Variants in CENPK observed in about 807,000 individuals in gnomAD.
CENPK encodes centromere protein K, also known as SoxLZ/Sox6-binding protein Solt.
Under a neutral mutation model 40.9 loss-of-function variants are expected in CENPK, and 46 were observed. The ratio of observed to expected loss-of-function variants is 1.13; its 90% CI spans 0.89 to 1.44. CENPK has a LOEUF of 1.44. CENPK is among the 40% of genes most tolerant of loss of function. CENPK has a pLI of 0.00. For missense variants in CENPK, 288 were observed against 303.5 expected, an observed-to-expected ratio of 0.95 and a Z score of 0.38; for synonymous variants, 107 against 104.4, an observed-to-expected ratio of 1.02 and a Z score of -0.15.
intron 6 of CENPK, among the ~76,000 whole-genome samples, chr5:65,539,005 G>A (rs1747468292): frequency 6.6e-6 from 1 of 152,158 alleles, no homozygotes; most frequent in Non-Finnish European, 1.5e-5. Flanking sequence ...CATGATTTCT[G>A]TCTCTAGGCA....
At chr5:65,538,250 G>C (rs937714274) in intron 6 of CENPK, among the ~76,000 whole-genome samples, 1 of 152,000 alleles carries the variant, frequency 6.6e-6, no homozygotes, top group African/African-American at 2.4e-5. Flanking sequence ...TCTTTGTTCA[G>C]TTGTTTTGAA....
intron 3 of CENPK, among the ~76,000 whole-genome samples, chr5:65,553,886 C>T (rs1281665979): frequency 6.6e-6 from 1 of 152,206 alleles, no homozygotes; most frequent in African/African-American, 2.4e-5. Context: ...CATATCTGAT[C>T]ATGTCACTTC....
chr5:65,546,794 CCAA>C (rs1749065625), intron 5 of CENPK, among the ~76,000 whole-genome samples: 1 of 152,140 alleles, frequency 6.6e-6, no homozygotes, highest in South Asian at 2.1e-4. Context: ...TCAGAAGAAA[CCAA>C]CGTTATTGAC....
intron 9 of CENPK, among the ~76,000 whole-genome samples, chr5:65,527,553 A>G (rs1229777019): frequency 1.0e-5 from 1 of 99,616 alleles, no homozygotes; most frequent in Non-Finnish European, 2.0e-5. Context: ...ATATATATAT[A>G]TGAACTGTTC....
chr5:65,556,029 T>C (rs971301372), intron 2 of CENPK, among the ~76,000 whole-genome samples: 8 of 152,232 alleles, frequency 5.3e-5, no homozygotes, highest in Non-Finnish European at 1.2e-4. Flanking sequence ...ATAACAGTGG[T>C]TCCAATGGAG....
At chr5:65,526,648 T>C (rs1744758440) in intron 9 of CENPK, among the ~76,000 whole-genome samples, 1 of 152,110 alleles carries the variant, frequency 6.6e-6, no homozygotes, top group Non-Finnish European at 1.5e-5. Context: ...AACAAAATCA[T>C]TTGAAAAGTG....
At chr5:65,521,090 T>G (rs551659426) in intron 10 of CENPK, among the ~76,000 whole-genome samples, 1 of 152,064 alleles carries the variant, frequency 6.6e-6, no homozygotes, top group Non-Finnish European at 1.5e-5. Context: ...GTATTTTATA[T>G]AGAGTACAGA....
In CENPK at chr5:65,544,144, G is replaced by A. The variant is rs555439650; in HGVS notation, c.242-1296C>T. ...ATAGGTTTGTATTAGAATATTCAGT[G>A]CCTTGGAAGGGTTTGCTCTCTGCTT... On this transcript the variant is annotated intron_variant, in intron 5 of 10. Coordinates refer to ENST00000396679, the MANE Select transcript of CENPK (RefSeq NM_022145.5). Among the ~76,000 whole-genome samples the A allele has an allele frequency of 1.5e-3, 236 of 152,270 alleles. 4 individuals carry two copies. Among genetic ancestry groups the A allele is most frequent in the Middle Eastern group, 3.4e-3 (1 of 294 alleles).
At position 65,538,525 on chromosome 5, in the gene CENPK, A is replaced by G. The variant is rs868295053; in HGVS notation, c.288+4277T>C. Among the ~76,000 whole-genome samples, 46 of 152,220 alleles carry G rather than the reference A, an allele frequency of 3.0e-4. No individual in the cohort carries two copies. In the Middle Eastern group the frequency reaches 0.02, roughly 68 times the overall value. On this transcript the variant is annotated intron_variant, in intron 6 of 10. Transcript: ENST00000396679. ...TCATTTTTCTCTTCTCACTTTTACT[A>G]TACATTCAAGAGAAGCCAAGCCATA...
chr5:65,526,060 T>A (rs1463465089), intron 9 of CENPK, among the ~76,000 whole-genome samples: 1 of 152,140 alleles, frequency 6.6e-6, no homozygotes, highest in African/African-American at 2.4e-5. Context: ...GTAACATGTA[T>A]CAATAGTCCT....
At chr5:65,521,716 T>C (rs1704140531) in intron 9 of CENPK, among the ~76,000 whole-genome samples, 188 bp from the exon 10 acceptor site, 1 of 152,166 alleles carries the variant, frequency 6.6e-6, no homozygotes, top group African/African-American at 2.4e-5. Context: ...TTCTCTTGCC[T>C]CAGCCTCCCG....
At chr5:65,531,911 T>C (rs1256121858) in intron 6 of CENPK, among the ~76,000 whole-genome samples, 1 of 151,776 alleles carries the variant, frequency 6.6e-6, no homozygotes, top group Non-Finnish European at 1.5e-5. Context: ...GAGGAAATAA[T>C]AATAACAACA....
chr5:65,562,272 GAGT>G (rs1417448798), intron 1 of CENPK, among the ~76,000 whole-genome samples: 1 of 152,156 alleles, frequency 6.6e-6, no homozygotes, highest in Non-Finnish European at 1.5e-5. Context: ...AAAAACATAA[GAGT>G]AGGAGGCAAG....
the CENPK span, among the ~76,000 whole-genome samples, chr5:65,504,136 G>A: frequency 6.6e-6 from 1 of 151,636 alleles, no homozygotes; most frequent in Non-Finnish European, 1.5e-5. Context: ...CTAAAAATAA[G>A]GGAAATCTTG....
rs1748458348 is a variant in CENPK at position 65,544,034 on chromosome 5, T to C, written c.242-1186A>G. ...GAAGAGCTATTTGAAACTTCTCAAATAGTAGGCTACTGAAAACTTTCAAAG... is the reference window on the plus strand; with the variant it reads ...GAAGAGCTATTTGAAACTTCTCAAACAGTAGGCTACTGAAAACTTTCAAAG... On this transcript the variant is annotated intron_variant, in intron 5 of 10. Transcript: ENST00000396679. Among the ~76,000 whole-genome samples the C allele has an allele frequency of 1.3e-5, 2 of 152,210 alleles. 1 individual carries two copies. The highest frequency in any genetic ancestry group is 4.1e-4 in the South Asian group (2 of 4,830).
At chr5:65,523,055 G>A (rs913957559) in intron 9 of CENPK, among the ~76,000 whole-genome samples, 8 of 152,088 alleles carry the variant, frequency 5.3e-5, no homozygotes, top group Non-Finnish European at 1.0e-4. Context: ...AATGTATTCT[G>A]TATGTATGTA....
chr5:65,523,841 C>T (rs774589865), intron 9 of CENPK, among the ~76,000 whole-genome samples: 6 of 152,072 alleles, frequency 3.9e-5, no homozygotes, highest in African/African-American at 1.4e-4. Context: ...TAGTCAGAAG[C>T]AACAAGTCAT....
At chr5:65,541,786 C>G (rs1333219046) in intron 6 of CENPK, among the ~76,000 whole-genome samples, 1 of 152,166 alleles carries the variant, frequency 6.6e-6, no homozygotes, top group African/African-American at 2.4e-5. Context: ...TACTGATCAC[C>G]CAGTTTCAAA....
chr5:65,552,576 A>G (rs200305420), intron 3 of CENPK, 27 bp from the exon 4 acceptor site: 15 of 1,424,258 alleles, frequency 1.1e-5, no homozygotes, highest in Non-Finnish European at 1.3e-5. Flanking sequence ...AAAAAAGGCA[A>G]GTCACACACG....
Sources: gnomAD v4.1 joint callset for allele counts (sites outside exome capture counted in the v4.1 genomes callset) on GRCh38, gnomAD v4.1.1 for gene constraint, MANE v1.5 for transcripts, NCBI Gene and HGNC (gene_info 2026-07-23, HGNC 2026-07-21) for gene names.